The following C1GALT1 variants were observed in gnomAD, a reference collection of about 807,000 sequenced individuals.
C1GALT1 encodes glycoprotein-N-acetylgalactosamine 3-beta-galactosyltransferase 1.
A neutral mutation model predicts 31.0 loss-of-function variants in C1GALT1; 11 were observed. That is an observed-to-expected ratio of 0.36 (90% CI 0.22 to 0.59). C1GALT1 has a LOEUF of 0.59. Among genes scored for constraint, C1GALT1 ranks in the 20% least tolerant of loss-of-function variants. The probability of loss-of-function intolerance (pLI) is 0.79; values close to 1 mark genes in which losing one functional copy is unlikely to be tolerated. For synonymous variants in C1GALT1, 175 were observed against 143.6 expected, an observed-to-expected ratio of 1.22 and a Z score of -1.56; for missense variants, 424 against 425.2, an observed-to-expected ratio of 1.00 and a Z score of 0.03.
chr7:7,161,287 G>T (rs892100744), intron 2 of C1GALT1, among the ~76,000 whole-genome samples: 6 of 151,696 alleles, frequency 4.0e-5, no homozygotes, highest in Admixed American at 3.9e-4. Flanking sequence ...TTTAACAGTG[G>T]GAAAAAAAAC....
intron 1 of C1GALT1, among the ~76,000 whole-genome samples, chr7:7,195,110 A>C (rs554505569): frequency 2.0e-5 from 3 of 152,282 alleles, no homozygotes; most frequent in African/African-American, 7.2e-5. Context: ...CTTTTCAAAG[A>C]ACCAGCTTTC....
upstream of C1GALT1, among the ~76,000 whole-genome samples, chr7:7,182,135 TAA>T (rs975742936): frequency 9.2e-5 from 14 of 151,968 alleles, no homozygotes; most frequent in African/African-American, 3.4e-4. Context: ...AGATACTGAG[TAA>T]AGAGAGCACG....
At chr7:7,185,138 A>G (rs754419356) in intron 1 of C1GALT1, among the ~76,000 whole-genome samples, 14 of 152,324 alleles carry the variant, frequency 9.2e-5, no homozygotes, top group Non-Finnish European at 1.8e-4. Context: ...TTAGGGAAGC[A>G]CATAAGAAGG....
chr7:7,209,672 A>G (rs1376271534), intron 1 of C1GALT1: 1 of 152,224 alleles, frequency 6.6e-6, no homozygotes, highest in Admixed American at 6.5e-5. Context: ...GTTCCTAGAA[A>G]GTTTTCAGTG....
At chr7:7,243,131 G>A (rs764769867) in intron 3 of C1GALT1, among the ~76,000 whole-genome samples, 1 of 152,058 alleles carries the variant, frequency 6.6e-6, no homozygotes, top group Non-Finnish European at 1.5e-5. Flanking sequence ...GTATGTTTCC[G>A]AGTATGAGCC....
At chr7:7,214,152 C>T (rs957833432) in intron 1 of C1GALT1, among the ~76,000 whole-genome samples, 3 of 152,172 alleles carry the variant, frequency 2.0e-5, no homozygotes, top group African/African-American at 7.2e-5. Flanking sequence ...ACCCCCCAAA[C>T]TTAAAACACA....
At chr7:7,191,709 T>C (rs1781081410) in intron 1 of C1GALT1, among the ~76,000 whole-genome samples, 2 of 152,098 alleles carry the variant, frequency 1.3e-5, no homozygotes, top group South Asian at 4.1e-4. Context: ...TAGTCTTGAT[T>C]TGTTTTGCTA....
chr7:7,241,455 A>G (rs1445501695), intron 3 of C1GALT1, among the ~76,000 whole-genome samples: 1 of 151,986 alleles, frequency 6.6e-6, no homozygotes, highest in South Asian at 2.1e-4. Flanking sequence ...CTAAGGGCAA[A>G]TTAACTCTTC....
At chr7:7,243,295 T>C (rs1783709615) in intron 3 of C1GALT1, among the ~76,000 whole-genome samples, 1 of 152,152 alleles carries the variant, frequency 6.6e-6, no homozygotes, top group African/African-American at 2.4e-5. Context: ...AAAAATACTT[T>C]CCACAGTTTC....
chr7:7,202,285 C>G (rs1235549617), intron 1 of C1GALT1, among the ~76,000 whole-genome samples: 1 of 152,108 alleles, frequency 6.6e-6, no homozygotes, highest in Non-Finnish European at 1.5e-5. Flanking sequence ...AGTAGTTCTT[C>G]GAGTAAAAGT....
At chr7:7,185,156 A>T (rs1780756532) in intron 1 of C1GALT1, among the ~76,000 whole-genome samples, 1 of 152,184 alleles carries the variant, frequency 6.6e-6, no homozygotes, top group African/African-American at 2.4e-5. Flanking sequence ...AGGTGGGGGA[A>T]ACTGAAAGGA....
intron 3 of C1GALT1, among the ~76,000 whole-genome samples, chr7:7,243,090 C>A (rs998969435): frequency 6.6e-6 from 1 of 151,996 alleles, no homozygotes; most frequent in Non-Finnish European, 1.5e-5. Flanking sequence ...ACCTAATGGG[C>A]AAGGCTTTGT....
At chr7:7,215,102 AT>A (rs1446862272) in intron 1 of C1GALT1, among the ~76,000 whole-genome samples, 1 of 152,202 alleles carries the variant, frequency 6.6e-6, no homozygotes, top group Non-Finnish European at 1.5e-5. Context: ...AAAACAAAGT[AT>A]TGCCACGCGG....
intron 1 of C1GALT1, among the ~76,000 whole-genome samples, chr7:7,231,391 C>T (rs1783065259): frequency 6.6e-6 from 1 of 152,034 alleles, no homozygotes; most frequent in African/African-American, 2.4e-5. Flanking sequence ...GTCATTATTT[C>T]TTTAAATACC....
chr7:7,167,106 C>T lies in C1GALT1; in HGVS notation c.-18+9680C>T, dbSNP rs371382439. ...TACCCCAGGGTCTGGAAAAGTCACT[C>T]TGGGCCAGGGAGGAAGACCAGTGGT... On this transcript the variant is annotated intron_variant, in intron 2 of 3. Transcript: ENST00000429911. 2.4e-4 allele frequency among the ~76,000 whole-genome samples: 36 copies of T among 152,328 alleles called. No homozygotes were observed. The East Asian group carries it at 4.2e-3, about 18-fold the overall frequency.
intron 1 of C1GALT1, among the ~76,000 whole-genome samples, chr7:7,210,798 A>T (rs897605575): frequency 6.6e-6 from 1 of 152,124 alleles, no homozygotes; most frequent in African/African-American, 2.4e-5. Context: ...GTTTGGGTGG[A>T]CCCAGTTTCT....
In C1GALT1 at chr7:7,238,946, A is replaced by T; in HGVS notation, c.888+24A>T. The T allele has an allele frequency of 6.4e-7, 1 of 1,561,366 alleles. No homozygotes were observed. Among genetic ancestry groups the T allele is most frequent in the Non-Finnish European group, 8.7e-7 (1 of 1,145,100 alleles). ...AGGTAAGTTTAGAAATTTTATTACT[A>T]TGTCAATACTTGGACTGACTGAATT... is the stretch of plus-strand genomic sequence containing the variant. On this transcript the variant is annotated intron_variant, in intron 3 of 3. Coordinates refer to ENST00000436587, the MANE Select transcript of C1GALT1 (RefSeq NM_020156.5). The surrounding 1 kb of genome is among the most constrained non-coding windows in gnomAD (Gnocchi z 5.2).
At chr7:7,227,729 A>G (rs1240088811) in intron 1 of C1GALT1, among the ~76,000 whole-genome samples, 1 of 151,784 alleles carries the variant, frequency 6.6e-6, no homozygotes, top group Non-Finnish European at 1.5e-5. Context: ...CAAAAAAAAA[A>G]AAAAAAGGGA....
intron 1 of C1GALT1, among the ~76,000 whole-genome samples, chr7:7,221,211 C>G (rs895616278): frequency 6.6e-6 from 1 of 152,024 alleles, no homozygotes; most frequent in African/African-American, 2.4e-5. Context: ...TTTCCATCAC[C>G]TCGTCTTTCT....
Sources: gnomAD v4.1 joint callset for allele counts (sites outside exome capture counted in the v4.1 genomes callset) on GRCh38, gnomAD v4.1.1 for gene constraint, Gnocchi (gnomAD v3.1) non-coding constraint, MANE v1.5 for transcripts, NCBI Gene and HGNC (gene_info 2026-07-23, HGNC 2026-07-21) for gene names.